PCED1B: variants seen among roughly 807,000 people sequenced by gnomAD.
PCED1B encodes PC-esterase domain containing 1B.
For missense variants in PCED1B, 573 were observed against 573.9 expected, an observed-to-expected ratio of 1.00 and a Z score of 0.02; for synonymous variants, 251 against 246.1, an observed-to-expected ratio of 1.02 and a Z score of -0.19.
At chr12:47,119,908 A>G (rs1204969749) in intron 2 of PCED1B, among the ~76,000 whole-genome samples, 2 of 151,930 alleles carry the variant, frequency 1.3e-5, no homozygotes, top group African/African-American at 2.4e-5. Flanking sequence ...CGGAGGTTAC[A>G]TGAACCAAGA....
Position 47,235,272 on chromosome 12 carries a change from T to A in PCED1B, c.209T>A (p.Met70Lys). ...GTGGACGGAGGCCAGCGGGGCCACA[T>A]GCACAACGGCCTTAACTACCGTGAG... is the stretch of plus-strand genomic sequence containing the variant. ...ELVDGGQRGH[M>K]HNGLNYREVR... Residue 70 changes from methionine (M) to lysine (K), a missense_variant, in exon 4 of 4, where the codon ATG becomes AAG. Met to Lys is a moderately conservative substitution (Grantham distance 95). Coordinates refer to ENST00000546455, the MANE Select transcript of PCED1B (RefSeq NM_138371.3). The A allele has an allele frequency of 6.2e-7, 1 of 1,614,098 alleles. No individual in the cohort carries two copies. The highest frequency in any genetic ancestry group is 8.5e-7 in the Non-Finnish European group (1 of 1,180,010).
intron 2 of PCED1B, among the ~76,000 whole-genome samples, chr12:47,155,639 C>T (rs555603421): frequency 6.6e-6 from 1 of 152,272 alleles, no homozygotes; most frequent in African/African-American, 2.4e-5. Flanking sequence ...CTTTACAAGG[C>T]AGGAAGTTGA....
intron 1 of PCED1B, among the ~76,000 whole-genome samples, chr12:47,092,743 T>C (rs901390049): frequency 6.6e-5 from 10 of 152,110 alleles, no homozygotes; most frequent in African/African-American, 2.4e-4. Flanking sequence ...ATTTATCAAA[T>C]GCTTTTTCTG....
At chr12:47,195,278 G>A (rs1168804049) in intron 2 of PCED1B, among the ~76,000 whole-genome samples, 1 of 150,468 alleles carries the variant, frequency 6.6e-6, no homozygotes, top group Non-Finnish European at 1.5e-5. Flanking sequence ...GCAGTGAGCC[G>A]AGATCATGCC....
At chr12:47,125,121 T>C (rs1939833906) in intron 2 of PCED1B, among the ~76,000 whole-genome samples, 1 of 152,072 alleles carries the variant, frequency 6.6e-6, no homozygotes, top group Admixed American at 6.5e-5. Context: ...TCCCATGTTT[T>C]CTTTTAGAAA....
chr12:47,225,873 CT>C lies in PCED1B; in HGVS notation c.-57-9132del, dbSNP rs1354524243. 2.0e-5 allele frequency among the ~76,000 whole-genome samples: 3 copies of C among 152,178 alleles called. No individual in the cohort carries two copies. In the East Asian group the frequency reaches 5.8e-4, roughly 29 times the overall value. ...ACTGGCTTATTTCAGTGTACCTCTT[CT>C]TGTAACTAAAGATCAAAAAGAAAAG... On this transcript the variant is annotated intron_variant, in intron 3 of 3. Transcript: ENST00000546455.
At chr12:47,219,890 T>C (rs995340633) in intron 3 of PCED1B, among the ~76,000 whole-genome samples, 1 of 151,950 alleles carries the variant, frequency 6.6e-6, no homozygotes, top group Non-Finnish European at 1.5e-5. Context: ...AAGGAAACCT[T>C]AAGCTTATCT....
chr12:47,086,360 T>TA (rs3045485), intron 1 of PCED1B, among the ~76,000 whole-genome samples: 4,542 of 95,432 alleles, frequency 0.048, 177 homozygotes, highest in Middle Eastern at 0.12. Flanking sequence ...GTGCTTATGG[T>TA]AAAAAAAAAA....
At chr12:47,099,393 C>A (rs1182194535) in intron 1 of PCED1B, among the ~76,000 whole-genome samples, 2 of 152,232 alleles carry the variant, frequency 1.3e-5, no homozygotes. Context: ...CCGCACACCA[C>A]ATACTACATA....
intron 2 of PCED1B, among the ~76,000 whole-genome samples, chr12:47,162,705 T>A (rs1171119535): frequency 6.6e-6 from 1 of 152,116 alleles, no homozygotes; most frequent in East Asian, 1.9e-4. Context: ...GATCTTATGG[T>A]AACTCATAGA....
intron 2 of PCED1B, among the ~76,000 whole-genome samples, chr12:47,133,238 A>G (rs1040840077): frequency 1.2e-4 from 18 of 152,194 alleles, no homozygotes; most frequent in Non-Finnish European, 2.1e-4. Flanking sequence ...TGATGTCTGC[A>G]AACACATTTT....
chr12:47,164,068 C>G (rs767098364), intron 2 of PCED1B, among the ~76,000 whole-genome samples: 6 of 152,160 alleles, frequency 3.9e-5, no homozygotes, highest in Non-Finnish European at 8.8e-5. Flanking sequence ...GGCCTCACCC[C>G]CCTACAATGC....
chr12:47,172,071 A>T (rs1941761959), intron 2 of PCED1B, among the ~76,000 whole-genome samples: 1 of 152,126 alleles, frequency 6.6e-6, no homozygotes, highest in South Asian at 2.1e-4. Flanking sequence ...ATACATTTCC[A>T]TCTGCTGACT....
At chr12:47,130,459 T>C (rs888668136) in intron 2 of PCED1B, among the ~76,000 whole-genome samples, 1 of 152,134 alleles carries the variant, frequency 6.6e-6, no homozygotes, top group African/African-American at 2.4e-5. Context: ...AGAGGATCAC[T>C]TAAGGTTAGG....
Position 47,086,847 on chromosome 12 carries a change from CAG to C in PCED1B, c.-609+7125_-609+7126del, listed in dbSNP as rs1410813167. Among the ~76,000 whole-genome samples, 6 of 152,258 alleles carry C rather than the reference CAG, an allele frequency of 3.9e-5. No individual in the cohort carries two copies. In the East Asian group the frequency reaches 1.2e-3, roughly 29 times the overall value. ...AGTTTAGAGAACTATATGAAGCATTCAGAGTCCTATTTTATGCCCTTTAAAAA... is the reference window on the plus strand; with the variant it reads ...AGTTTAGAGAACTATATGAAGCATTCAGTCCTATTTTATGCCCTTTAAAAA... On this transcript the variant is annotated intron_variant, in intron 1 of 3. Coordinates refer to ENST00000546455, the MANE Select transcript of PCED1B (RefSeq NM_138371.3).
At chr12:47,231,960 A>G (rs972212045) in intron 3 of PCED1B, among the ~76,000 whole-genome samples, 3 of 152,082 alleles carry the variant, frequency 2.0e-5, no homozygotes, top group Non-Finnish European at 4.4e-5. Flanking sequence ...ATTCCCAAAG[A>G]CCCCTAGACT....
chr12:47,136,693 TG>T, intron 2 of PCED1B, among the ~76,000 whole-genome samples: 1 of 152,254 alleles, frequency 6.6e-6, no homozygotes, highest in Non-Finnish European at 1.5e-5. Context: ...AGCATCATTA[TG>T]AGATAGTATT....
At chr12:47,113,968 A>AG (rs200198407) in intron 2 of PCED1B, among the ~76,000 whole-genome samples, 2,001 of 60,954 alleles carry the variant, frequency 0.033, 37 homozygotes, top group African/African-American at 0.13. Context: ...AAAAAAAAAC[A>AG]CACACACACA....
chr12:47,194,133 T>C (rs1324862927), intron 2 of PCED1B, among the ~76,000 whole-genome samples: 1 of 152,210 alleles, frequency 6.6e-6, no homozygotes, highest in Non-Finnish European at 1.5e-5. Flanking sequence ...TCCATGCTCC[T>C]GAAACACATC....
Sources: allele counts gnomAD v4.1 joint callset (sites outside exome capture counted in the v4.1 genomes callset), GRCh38; gene constraint gnomAD v4.1.1; transcripts MANE v1.5; gene names NCBI Gene and HGNC (gene_info 2026-07-23, HGNC 2026-07-21).